CCDC172: variants seen among roughly 807,000 people sequenced by gnomAD.
The protein encoded by CCDC172 is coiled-coil domain-containing protein 172.
In CCDC172, 30 loss-of-function variants were observed where a neutral mutation model predicts 38.0. The ratio of observed to expected loss-of-function variants is 0.79; its 90% CI spans 0.59 to 1.07. CCDC172 has a LOEUF of 1.07. Ranked by LOEUF, CCDC172 falls within the 50% of genes least tolerant of loss-of-function variation. The pLI is 0.00. For missense variants in CCDC172, 297 were observed against 290.1 expected (o/e 1.02, Z -0.17); for synonymous variants, 78 against 88.3 (o/e 0.88, Z 0.66).
chr10:116,341,279 T>C (rs1266780690), intron 4 of CCDC172, among the ~76,000 whole-genome samples: 6 of 152,028 alleles, frequency 3.9e-5, no homozygotes, highest in Non-Finnish European at 5.9e-5. Context: ...TTTAGAAATA[T>C]GACTTGTGAT....
At chr10:116,329,481 G>C (rs1844630959) in intron 3 of CCDC172, among the ~76,000 whole-genome samples, 1 of 152,080 alleles carries the variant, frequency 6.6e-6, no homozygotes, top group Non-Finnish European at 1.5e-5. Context: ...GTAGAATCAT[G>C]TGGGACTTTT....
At chr10:116,345,172 A>G (rs1194018440) in intron 5 of CCDC172, among the ~76,000 whole-genome samples, 1 of 152,232 alleles carries the variant, frequency 6.6e-6, no homozygotes, top group African/African-American at 2.4e-5. Flanking sequence ...AATAGCTGGA[A>G]CAGAAGAGTC....
intron 7 of CCDC172, among the ~76,000 whole-genome samples, chr10:116,361,744 G>T (rs1393176103): frequency 1.3e-5 from 2 of 152,184 alleles, no homozygotes; most frequent in African/African-American, 4.8e-5. Flanking sequence ...CAGTGAAAAA[G>T]TCATCTAGTT....
At chr10:116,342,384 G>T (rs972016942) in intron 5 of CCDC172, 183 bp downstream of exon 5, 2 of 450,684 alleles carry the variant, frequency 4.4e-6, no homozygotes, top group Non-Finnish European at 7.8e-6. Context: ...TGATTTAGAA[G>T]TACATGTGAC....
Position 116,336,196 on chromosome 10 carries a change from G to T in CCDC172, c.166-4538G>T, listed in dbSNP as rs1479488688. ...AACAACAAAAATGTATATTTAATAT[G>T]TATAAATATTATATTATATTATACA... On this transcript the variant is annotated intron_variant, in intron 3 of 8. Coordinates refer to ENST00000333254, the MANE Select transcript of CCDC172 (RefSeq NM_198515.3). 2.7e-5 allele frequency among the ~76,000 whole-genome samples: 4 copies of T among 146,114 alleles called. No homozygotes were observed. In the Admixed American group the frequency reaches 2.8e-4, roughly 10 times the overall value.
At position 116,330,682 on chromosome 10, in the gene CCDC172, G is replaced by A. The variant is rs201823429; in HGVS notation, c.165+5294G>A. Among the ~76,000 whole-genome samples the A allele has an allele frequency of 9.9e-5, 15 of 152,188 alleles. No individual in the cohort carries two copies. The East Asian group carries it at 2.7e-3, about 27-fold the overall frequency. On this transcript the variant is annotated intron_variant, in intron 3 of 8. Coordinates refer to ENST00000333254, the MANE Select transcript of CCDC172 (RefSeq NM_198515.3). ...ACTGAAAAACGTATTACAAAAGATT[G>A]AGTAGAAGCAGATATGAGAGTCCAG...
Position 116,375,549 on chromosome 10 carries a change from G to A in CCDC172, c.654-2874G>A, listed in dbSNP as rs1273173758. On this transcript the variant is annotated intron_variant, in intron 7 of 8. Coordinates refer to ENST00000333254, the MANE Select transcript of CCDC172 (RefSeq NM_198515.3). ...TTATGAGTGAGAACATGCGGTGTTT[G>A]GTTTTCTGTTCTTGTATTAGTTTGC... is the stretch of plus-strand genomic sequence containing the variant. Among the ~76,000 whole-genome samples, 6 of 139,982 alleles carry A rather than the reference G, an allele frequency of 4.3e-5. No individual in the cohort carries two copies. In the East Asian group the frequency reaches 1.4e-3, roughly 32 times the overall value. The allele number at this position is 139,982 out of a possible 152,430, so 91.8% of individuals were successfully genotyped here.
chr10:116,377,202 A>G (rs1845256914), intron 7 of CCDC172, among the ~76,000 whole-genome samples: 1 of 152,160 alleles, frequency 6.6e-6, no homozygotes, highest in Non-Finnish European at 1.5e-5. Context: ...CAGTATAAAC[A>G]TTTAATTGGA....
intron 7 of CCDC172, among the ~76,000 whole-genome samples, chr10:116,363,998 T>C (rs1845094498): frequency 6.6e-6 from 1 of 151,170 alleles, no homozygotes; most frequent in South Asian, 2.1e-4. Context: ...GTCATCAAGA[T>C]TAAATGGTAA....
At chr10:116,365,697 A>T (rs1845114563) in intron 7 of CCDC172, among the ~76,000 whole-genome samples, 1 of 152,222 alleles carries the variant, frequency 6.6e-6, no homozygotes, top group Non-Finnish European at 1.5e-5. Flanking sequence ...GACAGAACAC[A>T]GTGAACTTCC....
chr10:116,342,334 A>T (rs1844806410), intron 5 of CCDC172, 133 bp downstream of exon 5: 1 of 655,222 alleles, frequency 1.5e-6, no homozygotes, highest in South Asian at 2.1e-5. Context: ...ACTTTTATTG[A>T]TTTAATGAAG....
At chr10:116,333,420 A>G (rs1844690350) in intron 3 of CCDC172, among the ~76,000 whole-genome samples, 1 of 152,126 alleles carries the variant, frequency 6.6e-6, no homozygotes. Context: ...TATTTCTTGC[A>G]CATGTGCCAA....
chr10:116,326,357 G>A (rs1042670866), intron 3 of CCDC172, among the ~76,000 whole-genome samples: 1 of 152,042 alleles, frequency 6.6e-6, no homozygotes, highest in Non-Finnish European at 1.5e-5. Context: ...CTATGGGTGG[G>A]GACAGAGAGT....
chr10:116,355,767 C>T (rs1844987919), intron 5 of CCDC172, among the ~76,000 whole-genome samples: 1 of 152,028 alleles, frequency 6.6e-6, no homozygotes, highest in East Asian at 1.9e-4. Context: ...CCAGAATAGG[C>T]AAATCTGTAT....
Position 116,342,115 on chromosome 10 carries a change from TAACAA to T in CCDC172, c.364_368del (p.Thr122GlufsTer13). 6.4e-7 allele frequency: 1 copy of T among 1,552,078 alleles called. No homozygotes were observed. The highest frequency in any genetic ancestry group is 8.6e-7 in the Non-Finnish European group (1 of 1,158,040). On this transcript the variant is annotated frameshift_variant, in exon 5 of 9. Transcript: ENST00000333254. LOFTEE classifies it high-confidence loss of function. Reference sequence around the variant, plus strand: ...ACAGACTTTAATAATGATTATGAAATAACAAAGAAAAGAGAGCTTTTGATGAAAGA... The same window carrying T: ...ACAGACTTTAATAATGATTATGAAATAGAAAAGAGAGCTTTTGATGAAAGA...
At chr10:116,352,298 T>C (rs1844941132) in intron 5 of CCDC172, among the ~76,000 whole-genome samples, 1 of 152,162 alleles carries the variant, frequency 6.6e-6, no homozygotes, top group Non-Finnish European at 1.5e-5. Flanking sequence ...GCAAAACTCA[T>C]TTAACAAAAT....
At chr10:116,378,591 C>A in intron 8 of CCDC172, 81 bp downstream of exon 8, 1 of 1,038,052 alleles carries the variant, frequency 9.6e-7, no homozygotes, top group Non-Finnish European at 1.5e-6. Flanking sequence ...GTGTACAAAT[C>A]ACTGAACTAG....
chr10:116,348,446 T>A (rs1844892984), intron 5 of CCDC172, among the ~76,000 whole-genome samples: 1 of 152,198 alleles, frequency 6.6e-6, no homozygotes, highest in African/African-American at 2.4e-5. Flanking sequence ...GGGTTTTGAA[T>A]AATCTCCATT....
In CCDC172 at chr10:116,342,155, G is replaced by T; in HGVS notation, c.402G>T (p.Lys134Asn). ...AGCTTTTGATGAAAGAAAATGTCAA[G>T]ATTGAAATATCTGACTTAGAAAACC... is the stretch of plus-strand genomic sequence containing the variant. The part of the protein sequence containing the change: ...KRELLMKENV[K>N]IEISDLENQA... The change falls in exon 5 of 9, where the codon AAG becomes AAT. Residue 134 changes from lysine to asparagine, a missense_variant. By Grantham distance (94) the Lys-to-Asn change is moderately conservative (BLOSUM62 0). Transcript: ENST00000333254. 2 of 1,539,580 alleles carry T rather than the reference G, an allele frequency of 1.3e-6. No homozygotes were observed. The highest frequency in any genetic ancestry group is 1.7e-6 in the Non-Finnish European group (2 of 1,153,906).
Sources: allele counts gnomAD v4.1 joint callset (sites outside exome capture counted in the v4.1 genomes callset), GRCh38; gene constraint gnomAD v4.1.1; transcripts MANE v1.5; gene names NCBI Gene and HGNC (gene_info 2026-07-23, HGNC 2026-07-21).